Variants in SCN8A observed in about 807,000 individuals in gnomAD.
SCN8A encodes the protein sodium channel protein type 8 subunit alpha.
A neutral mutation model predicts 184.1 loss-of-function variants in SCN8A; 30 were observed. The observed-to-expected ratio is 0.16, with a 90% confidence interval of 0.12 to 0.22. The LOEUF (loss-of-function observed/expected upper bound fraction) is 0.22, where lower values mean the gene tolerates loss of function less well. Among genes scored for constraint, SCN8A ranks in the 10% least tolerant of loss-of-function variants. SCN8A has a pLI of 1.00. For synonymous variants in SCN8A, 852 were observed against 907.0 expected (o/e 0.94, Z 1.09); for missense variants, 1,057 against 2,498.9 (o/e 0.42, Z 12.30).
intron 1 of SCN8A, among the ~76,000 whole-genome samples, chr12:51,630,602 A>T (rs1435579010): frequency 1.3e-5 from 2 of 152,134 alleles, no homozygotes; most frequent in Non-Finnish European, 2.9e-5. Context: ...AAATGATTTT[A>T]AAAATGATGC....
intron 25 of SCN8A, among the ~76,000 whole-genome samples, chr12:51,793,973 C>T (rs970223489): frequency 2.0e-5 from 3 of 152,188 alleles, no homozygotes; most frequent in Admixed American, 6.5e-5. Context: ...AGCAAAACCC[C>T]GTCTATGCTA....
At chr12:51,597,646 G>GA (rs979116563) in intron 1 of SCN8A, among the ~76,000 whole-genome samples, 1 of 152,014 alleles carries the variant, frequency 6.6e-6, no homozygotes, top group African/African-American at 2.4e-5. Flanking sequence ...CTTTGTCAAT[G>GA]AAAAAACACC....
rs1045939750 is a variant in SCN8A, at chr12:51,810,622, A to G, written c.*3193A>G. On this transcript the variant is annotated 3_prime_UTR_variant, in exon 27 of 27. Coordinates refer to ENST00000627620, the MANE Select transcript of SCN8A (RefSeq NM_001330260.2). ...CCACAATCCACCTTTTAAAAAAAGGACAAAAAGCAAAAAGATGTGTGATGC... is the reference window on the plus strand; with the variant it reads ...CCACAATCCACCTTTTAAAAAAAGGGCAAAAAGCAAAAAGATGTGTGATGC... The G allele has an allele frequency of 3.9e-5, 6 of 154,120 alleles. No homozygotes were observed. Among genetic ancestry groups the G allele is most frequent in the African/African-American group, 1.4e-4 (6 of 41,598 alleles). The allele number at this position is 154,120 out of a possible 1,614,324, so 9.5% of individuals were successfully genotyped here. A position where few individuals can be genotyped will look rare whatever the true frequency, so the allele number is the denominator to read the frequency against.
chr12:51,699,308 A>G (rs1453677567), intron 6 of SCN8A, among the ~76,000 whole-genome samples: 1 of 152,250 alleles, frequency 6.6e-6, no homozygotes, highest in East Asian at 1.9e-4. Context: ...GAGATGGGAA[A>G]GTGTTCCCAG....
At chr12:51,688,792 T>A in intron 5 of SCN8A, 1 of 1,613,994 alleles carries the variant, frequency 6.2e-7, no homozygotes, top group Non-Finnish European at 8.5e-7. Flanking sequence ...AGGCAATGTT[T>A]CAGCTCTACG....
Position 51,642,773 on chromosome 12 carries a change from C to T in SCN8A, c.-54-19991C>T, listed in dbSNP as rs563325677. 4.0e-5 allele frequency among the ~76,000 whole-genome samples: 6 copies of T among 151,454 alleles called. No individual in the cohort carries two copies. The South Asian group carries it at 1.3e-3, about 32-fold the overall frequency. ...GCTTGCAGTCACCTTATTTGAGCACCACTACAGCTACTTGGGTAACCCATC... is the reference window on the plus strand; with the variant it reads ...GCTTGCAGTCACCTTATTTGAGCACTACTACAGCTACTTGGGTAACCCATC... On this transcript the variant is annotated intron_variant, in intron 1 of 26. Coordinates refer to ENST00000627620, the MANE Select transcript of SCN8A (RefSeq NM_001330260.2).
At chr12:51,680,313 T>A (rs1296883658) in intron 2 of SCN8A, among the ~76,000 whole-genome samples, 7 of 152,200 alleles carry the variant, frequency 4.6e-5, no homozygotes, top group Non-Finnish European at 1.5e-5. Flanking sequence ...ACACATCAAA[T>A]GTCCTTAGTA....
chr12:51,685,421 A>G (rs191176068), intron 3 of SCN8A, among the ~76,000 whole-genome samples: 145 of 152,320 alleles, frequency 9.5e-4, no homozygotes, highest in Middle Eastern at 3.4e-3. Context: ...ATTGGCTCTA[A>G]TTGTCTAATA....
intron 11 of SCN8A, among the ~76,000 whole-genome samples, chr12:51,714,394 A>T (rs988910851): frequency 1.3e-5 from 2 of 152,208 alleles, no homozygotes; most frequent in African/African-American, 2.4e-5. Flanking sequence ...TCTTCCAAAT[A>T]CACACAAGAT....
intron 1 of SCN8A, among the ~76,000 whole-genome samples, chr12:51,601,190 A>G (rs529627170): frequency 2.0e-5 from 3 of 152,216 alleles, no homozygotes; most frequent in Non-Finnish European, 2.9e-5. Context: ...ACTTAACTGA[A>G]TGATGGCAAT....
intron 26 of SCN8A, among the ~76,000 whole-genome samples, chr12:51,801,555 T>C (rs1337945717): frequency 6.6e-6 from 1 of 152,214 alleles, no homozygotes; most frequent in Non-Finnish European, 1.5e-5. Flanking sequence ...GGCCATCTTT[T>C]GATCCACGTT....
At chr12:51,633,317 T>C (rs1180517332) in intron 1 of SCN8A, among the ~76,000 whole-genome samples, 5 of 152,228 alleles carry the variant, frequency 3.3e-5, no homozygotes, top group African/African-American at 7.2e-5. Flanking sequence ...AAATAATCTC[T>C]TATCTAGATT....
At position 51,683,223 on chromosome 12, in the gene SCN8A, T is replaced by A. The variant is rs1383834869; in HGVS notation, c.277-951T>A. ...TACAGTTTTATTCAGTGTTGTGTCCTGGTAATTAGCACAATGCTTGGCACA... is the reference window on the plus strand; with the variant it reads ...TACAGTTTTATTCAGTGTTGTGTCCAGGTAATTAGCACAATGCTTGGCACA... On this transcript the variant is annotated intron_variant, in intron 2 of 26. Coordinates refer to ENST00000627620, the MANE Select transcript of SCN8A (RefSeq NM_001330260.2). Among the ~76,000 whole-genome samples, 3 of 152,218 alleles carry A rather than the reference T, an allele frequency of 2.0e-5. No individual in the cohort carries two copies. In the East Asian group the frequency reaches 5.8e-4, roughly 29 times the overall value.
intron 12 of SCN8A, among the ~76,000 whole-genome samples, chr12:51,730,451 A>C (rs1439193042): frequency 1.3e-5 from 2 of 152,228 alleles, no homozygotes; most frequent in Non-Finnish European, 2.9e-5. Flanking sequence ...GAAATGTGGT[A>C]GTATAAGCCC....
chr12:51,666,606 G>T (rs1159510067), intron 2 of SCN8A, among the ~76,000 whole-genome samples: 66 of 152,206 alleles, frequency 4.3e-4, no homozygotes, highest in Non-Finnish European at 1.2e-4. Flanking sequence ...TTTGCTAAAT[G>T]ATACCAGTGG....
At chr12:51,721,934 A>G in intron 12 of SCN8A, 26 bp downstream of exon 12, 1 of 1,599,476 alleles carries the variant, frequency 6.3e-7, no homozygotes, top group Non-Finnish European at 8.5e-7. Flanking sequence ...GCAGCTACCG[A>G]TGACAGTGTA....
intron 26 of SCN8A, among the ~76,000 whole-genome samples, chr12:51,804,264 T>C (rs1938629208): frequency 6.6e-6 from 1 of 152,212 alleles, no homozygotes; most frequent in South Asian, 2.1e-4. Flanking sequence ...ACCTTCTGCC[T>C]TTATATCCTA....
chr12:51,681,275 G>A (rs542427149), intron 2 of SCN8A, among the ~76,000 whole-genome samples: 3 of 152,316 alleles, frequency 2.0e-5, no homozygotes, highest in African/African-American at 7.2e-5. Flanking sequence ...GGAAGCTGTT[G>A]AGAGGCTCGA....
At chr12:51,649,614 C>T (rs563506432) in intron 1 of SCN8A, among the ~76,000 whole-genome samples, 14 of 152,276 alleles carry the variant, frequency 9.2e-5, no homozygotes, top group African/African-American at 2.2e-4. Context: ...AGCCTTGGCC[C>T]GAGCTCTACA....
Sources: allele counts gnomAD v4.1 joint callset (sites outside exome capture counted in the v4.1 genomes callset), GRCh38; gene constraint gnomAD v4.1.1; transcripts MANE v1.5; gene names NCBI Gene and HGNC (gene_info 2026-07-23, HGNC 2026-07-21).